Variants in HPSE2 observed in about 807,000 individuals in gnomAD.
The protein encoded by HPSE2 is heparanase 2 (inactive).
HPSE2 carries 38 observed loss-of-function variants against 60.5 expected under a neutral mutation model. That is an observed-to-expected ratio of 0.63 (90% CI 0.48 to 0.82). The LOEUF (loss-of-function observed/expected upper bound fraction) is 0.82, where lower values mean the gene tolerates loss of function less well. Among genes scored for constraint, HPSE2 ranks in the 40% least tolerant of loss-of-function variants. The pLI is 0.00. For missense variants in HPSE2, 713 were observed against 740.4 expected (o/e 0.96, Z 0.43); for synonymous variants, 295 against 293.2 (o/e 1.01, Z -0.06).
At position 98,545,550 on chromosome 10, in the gene HPSE2, A is replaced by C. The variant is rs1024804342; in HGVS notation, c.1321-55354T>G. The stretch of plus-strand genomic sequence containing the variant: ...AGCATATAAACAGAACCAAAGACAA[A>C]AACCACATGATTATCTCAATAGATG... On this transcript the variant is annotated intron_variant, in intron 9 of 11. Coordinates refer to ENST00000370552, the MANE Select transcript of HPSE2 (RefSeq NM_021828.5). Among the ~76,000 whole-genome samples, 7 of 152,322 alleles carry C rather than the reference A, an allele frequency of 4.6e-5. No individual in the cohort carries two copies. The East Asian group carries it at 1.3e-3, about 29-fold the overall frequency.
chr10:99,192,369 G>A lies in HPSE2; in HGVS notation c.448+39979C>T, dbSNP rs147603561. On this transcript the variant is annotated intron_variant, in intron 2 of 11. Coordinates refer to ENST00000370552, the MANE Select transcript of HPSE2 (RefSeq NM_021828.5). ...TAAAAGCAGCAAGAGAAAAGAAACC[G>A]GTAACAAAGGAGCTCCAATACATCT... Among the ~76,000 whole-genome samples the A allele has an allele frequency of 2.2e-3, 330 of 152,196 alleles. 1 individual carries two copies. The highest frequency in any genetic ancestry group is 7.4e-3 in the African/African-American group (308 of 41,536).
At chr10:99,296,030 TA>T in the HPSE2 span, among the ~76,000 whole-genome samples, 1 of 152,248 alleles carries the variant, frequency 6.6e-6, no homozygotes, top group African/African-American at 2.4e-5. Flanking sequence ...AAATGTGACG[TA>T]TCACTTATCA....
chr10:99,131,208 T>C (rs1845371367), intron 3 of HPSE2, among the ~76,000 whole-genome samples: 1 of 152,124 alleles, frequency 6.6e-6, no homozygotes, highest in Non-Finnish European at 1.5e-5. Context: ...ATAAAAGCCA[T>C]CTATGACAAA....
intron 3 of HPSE2, among the ~76,000 whole-genome samples, chr10:99,067,645 C>A (rs1842658007): frequency 6.6e-6 from 1 of 152,196 alleles, no homozygotes; most frequent in Admixed American, 6.5e-5. Flanking sequence ...CACCAAGTTC[C>A]AAGGCTGCAC....
chr10:98,867,903 T>A (rs1160711186), intron 3 of HPSE2, among the ~76,000 whole-genome samples: 1 of 151,540 alleles, frequency 6.6e-6, no homozygotes, highest in Non-Finnish European at 1.5e-5. Flanking sequence ...CTACTAAAAA[T>A]ACAAAAAAAT....
At chr10:98,999,972 C>T (rs998524368) in intron 3 of HPSE2, among the ~76,000 whole-genome samples, 1 of 152,016 alleles carries the variant, frequency 6.6e-6, no homozygotes, top group Admixed American at 6.6e-5. Flanking sequence ...ATAGAGAAAC[C>T]AGTCTGAGGT....
At chr10:98,841,546 G>T (rs1331803555) in intron 3 of HPSE2, among the ~76,000 whole-genome samples, 1 of 152,088 alleles carries the variant, frequency 6.6e-6, no homozygotes, top group Non-Finnish European at 1.5e-5. Context: ...TCACTCAATA[G>T]TATTGCTAAA....
intron 3 of HPSE2, among the ~76,000 whole-genome samples, chr10:98,777,407 T>A (rs1034344466): frequency 6.6e-6 from 1 of 152,188 alleles, no homozygotes; most frequent in Non-Finnish European, 1.5e-5. Flanking sequence ...TCTCATTGAA[T>A]CTTCATAATA....
intron 2 of HPSE2, 90 bp downstream of exon 2, chr10:99,232,252 CACACGA>C (rs1849677268): frequency 2.9e-6 from 4 of 1,380,256 alleles, no homozygotes; most frequent in Non-Finnish European, 4.0e-6. Context: ...CACACACACA[CACACGA>C]ACACACAGAC....
intron 3 of HPSE2, among the ~76,000 whole-genome samples, chr10:99,013,607 T>C (rs1564737033): frequency 6.6e-6 from 1 of 151,888 alleles, no homozygotes; most frequent in Non-Finnish European, 1.5e-5. Context: ...GAGTAGCTGG[T>C]ATTACAGGTG....
intron 9 of HPSE2, among the ~76,000 whole-genome samples, chr10:98,515,275 C>T (rs368372653): frequency 1.1e-4 from 17 of 152,122 alleles, no homozygotes; most frequent in Admixed American, 9.2e-4. Context: ...CTTTTCAAGC[C>T]GGCTGCTTTA....
At chr10:98,826,589 G>A (rs1951553366) in intron 3 of HPSE2, among the ~76,000 whole-genome samples, 1 of 152,134 alleles carries the variant, frequency 6.6e-6, no homozygotes, top group Non-Finnish European at 1.5e-5. Flanking sequence ...TTACAAAACT[G>A]GCAGCTTCCT....
Position 98,458,978 on chromosome 10 carries a change from C to T in HPSE2, c.*596G>A, listed in dbSNP as rs567535047. 3.7e-5 allele frequency: 6 copies of T among 163,202 alleles called. No individual in the cohort carries two copies. The highest frequency in any genetic ancestry group is 1.7e-4 in the Admixed American group (3 of 17,704). 10.1% of individuals were successfully genotyped at this position (163,202 alleles called of 1,614,324 possible). On this transcript the variant is annotated 3_prime_UTR_variant, in exon 12 of 12. Transcript: ENST00000370552. ...GATGCCACTGTCAGGAACCCAGATG[C>T]GCACGCTCATACATCAGCCGGGAAA...
At chr10:98,512,773 C>T (rs1942455804) in intron 9 of HPSE2, among the ~76,000 whole-genome samples, 1 of 150,048 alleles carries the variant, frequency 6.7e-6, no homozygotes, top group Non-Finnish European at 1.5e-5. Flanking sequence ...ACTTACCTCC[C>T]ACTCCACTCC....
intron 3 of HPSE2, among the ~76,000 whole-genome samples, chr10:99,043,472 C>G (rs868865789): frequency 6.6e-6 from 1 of 152,096 alleles, no homozygotes; most frequent in Admixed American, 6.5e-5. Context: ...GCCTGGGCGA[C>G]AGAGTGAGAC....
intron 3 of HPSE2, among the ~76,000 whole-genome samples, chr10:99,138,458 A>G (rs1349525703): frequency 1.3e-5 from 2 of 152,206 alleles, no homozygotes; most frequent in Non-Finnish European, 2.9e-5. Context: ...TTATTGTGGC[A>G]CTATTTACAA....
chr10:98,868,016 C>A (rs1000045387), intron 3 of HPSE2, among the ~76,000 whole-genome samples: 1 of 151,430 alleles, frequency 6.6e-6, no homozygotes, highest in African/African-American at 2.4e-5. Context: ...GAGCCGAGAT[C>A]GTGCCACTGC....
At chr10:98,460,685 G>A (rs1940249788) in intron 11 of HPSE2, among the ~76,000 whole-genome samples, 1 of 152,188 alleles carries the variant, frequency 6.6e-6, no homozygotes, top group African/African-American at 2.4e-5. Flanking sequence ...CAAAGTAAGT[G>A]ATAAAGTAGG....
intron 3 of HPSE2, among the ~76,000 whole-genome samples, chr10:98,798,060 A>G (rs1950821390): frequency 6.6e-6 from 1 of 152,124 alleles, no homozygotes. Flanking sequence ...TAAGGAAAGG[A>G]CCCTAAAAGC....
Sources: gnomAD v4.1 joint callset for allele counts (sites outside exome capture counted in the v4.1 genomes callset) on GRCh38, gnomAD v4.1.1 for gene constraint, MANE v1.5 for transcripts, NCBI Gene and HGNC (gene_info 2026-07-23, HGNC 2026-07-21) for gene names.